The following ANO3 variants were observed in gnomAD, a reference collection of about 807,000 sequenced individuals.
The protein encoded by ANO3 is anoctamin-3.
In ANO3, 99 loss-of-function variants were observed where a neutral mutation model predicts 144.8. The observed-to-expected ratio is 0.68, with a 90% CI of 0.58 to 0.81. The LOEUF is 0.81. Ranked by LOEUF, ANO3 falls within the 30% of genes least tolerant of loss-of-function variation. ANO3 has a pLI of 0.00. For missense variants in ANO3, 905 were observed against 1,202.2 expected (o/e 0.75, Z 3.66); for synonymous variants, 414 against 392.6 (o/e 1.05, Z -0.64).
At chr11:26,289,052 T>C (rs1316528407) in intron 1 of ANO3, among the ~76,000 whole-genome samples, 1 of 152,204 alleles carries the variant, frequency 6.6e-6, no homozygotes, top group Non-Finnish European at 1.5e-5. Context: ...TGTCAAGCAA[T>C]GGCCTAGGCC....
chr11:26,239,320 G>A (rs1453238058), intron 1 of ANO3, among the ~76,000 whole-genome samples: 2 of 152,012 alleles, frequency 1.3e-5, no homozygotes, highest in African/African-American at 4.8e-5. Flanking sequence ...CTGCTTCATC[G>A]CATTGGAGAA....
intron 24 of ANO3, among the ~76,000 whole-genome samples, chr11:26,655,878 TTAA>T (rs1853671487): frequency 6.6e-6 from 1 of 152,104 alleles, no homozygotes; most frequent in African/African-American, 2.4e-5. Flanking sequence ...TAGTAACTAC[TTAA>T]TAAACATAAA....
chr11:26,256,574 A>G (rs1441808917), intron 1 of ANO3, among the ~76,000 whole-genome samples: 1 of 152,164 alleles, frequency 6.6e-6, no homozygotes, highest in African/African-American at 2.4e-5. Context: ...CTTATTCTAC[A>G]GGCAATATAC....
chr11:26,305,035 C>T (rs1298758066), upstream of ANO3, among the ~76,000 whole-genome samples: 3 of 151,374 alleles, frequency 2.0e-5, no homozygotes, highest in Non-Finnish European at 2.9e-5. Flanking sequence ...AGAAAAGGGT[C>T]CAGTTCGATC....
At chr11:26,232,304 A>C (rs1216479795) in intron 1 of ANO3, among the ~76,000 whole-genome samples, 2 of 152,180 alleles carry the variant, frequency 1.3e-5, no homozygotes, top group East Asian at 3.9e-4. Context: ...AGACGTGCTC[A>C]GGGCATCTAT....
intron 1 of ANO3, among the ~76,000 whole-genome samples, chr11:26,209,949 C>CTG (rs200561044): frequency 0.3 from 45,842 of 151,812 alleles, 7,630 homozygotes; most frequent in Non-Finnish European, 0.37. Context: ...CCTGTTCACT[C>CTG]ATGGTAGTTT....
chr11:26,610,058 T>C (rs1264863376), intron 17 of ANO3, among the ~76,000 whole-genome samples: 1 of 152,196 alleles, frequency 6.6e-6, no homozygotes, highest in Non-Finnish European at 1.5e-5. Context: ...ATTACAGGCG[T>C]GTGCCACCGC....
chr11:26,518,083 TA>T (rs1213870065), intron 6 of ANO3, among the ~76,000 whole-genome samples: 1 of 151,930 alleles, frequency 6.6e-6, no homozygotes, highest in Non-Finnish European at 1.5e-5. Flanking sequence ...GAATAAAATT[TA>T]AAAAAAGATA....
intron 4 of ANO3, among the ~76,000 whole-genome samples, chr11:26,465,241 T>G (rs572252930): frequency 6.6e-6 from 1 of 151,102 alleles, no homozygotes; most frequent in South Asian, 2.1e-4. Context: ...GTCCTACAAA[T>G]AGAAACTTCC....
At chr11:26,348,167 C>G (rs1855543238) in intron 1 of ANO3, among the ~76,000 whole-genome samples, 1 of 152,094 alleles carries the variant, frequency 6.6e-6, no homozygotes, top group African/African-American at 2.4e-5. Flanking sequence ...TTGAAAGAAG[C>G]ATACATCTGA....
intron 1 of ANO3, among the ~76,000 whole-genome samples, chr11:26,234,648 G>C (rs1852475553): frequency 6.6e-6 from 1 of 152,144 alleles, no homozygotes; most frequent in African/African-American, 2.4e-5. Context: ...GGTGATTCAT[G>C]ATGTATGACC....
Position 26,643,335 on chromosome 11 carries a change from G to A in ANO3, c.2428+1G>A, listed in dbSNP as rs1238672650. On this transcript the variant is annotated splice_donor_variant, in intron 23 of 26. Transcript: ENST00000256737. LOFTEE classifies it high-confidence loss of function. The stretch of plus-strand genomic sequence containing the variant: ...TTGCCAGCCCGAGCAACTGACATAG[G>A]TAAGATTCGGAAGTTAAATGATTTT... The A allele has an allele frequency of 6.2e-7, 1 of 1,613,722 alleles. No homozygotes were observed. Among genetic ancestry groups the A allele is most frequent in the East Asian group, 2.2e-5 (1 of 44,876 alleles).
At chr11:26,305,816 C>T (rs16925417), upstream of ANO3, among the ~76,000 whole-genome samples, 5,927 of 152,192 alleles carry the variant, frequency 0.039, 402 homozygotes, top group African/African-American at 0.14. Flanking sequence ...ATGTAGGGCT[C>T]GCTCATTATG....
Position 26,274,760 on chromosome 11 carries a change from A to G in ANO3, c.155-34885A>G, listed in dbSNP as rs77106230. 6.5e-3 allele frequency among the ~76,000 whole-genome samples: 986 copies of G among 152,224 alleles called. 3 individuals are homozygous for G. Among genetic ancestry groups the G allele is most frequent in the African/African-American group, 0.022 (928 of 41,556 alleles). ...TGCACTTTGGAACTATGAAACTTCA[A>G]ATAAAGTAAGCAGAGATACTTCAGT... is the stretch of plus-strand genomic sequence containing the variant. On this transcript the variant is annotated intron_variant, in intron 1 of 27. Transcript: ENST00000672621.
At chr11:26,475,153 C>T (rs1859912933) in intron 4 of ANO3, among the ~76,000 whole-genome samples, 1 of 151,792 alleles carries the variant, frequency 6.6e-6, no homozygotes, top group African/African-American at 2.4e-5. Context: ...AATACCATTA[C>T]ATAATGAAAA....
intron 26 of ANO3, among the ~76,000 whole-genome samples, chr11:26,659,642 A>G (rs2133104806): frequency 6.6e-6 from 1 of 152,256 alleles, no homozygotes; most frequent in South Asian, 2.1e-4. Context: ...GGCTGGAGTC[A>G]GCTGTGTATA....
chr11:26,537,349 C>T, intron 9 of ANO3, 57 bp from the exon 10 acceptor site: 1 of 1,358,240 alleles, frequency 7.4e-7, no homozygotes, highest in Non-Finnish European at 1.1e-6. Flanking sequence ...TCTGTTGCTT[C>T]AGAGGAAATG....
intron 1 of ANO3, among the ~76,000 whole-genome samples, chr11:26,439,282 G>A (rs1858426192): frequency 6.6e-6 from 1 of 152,090 alleles, no homozygotes; most frequent in East Asian, 1.9e-4. Flanking sequence ...CATAGATACA[G>A]CACCTAAAGC....
rs201093158 is a variant in ANO3 at position 26,553,219 on chromosome 11, G to GTT, written c.1290-27_1290-26dup. 7,663 of 1,193,706 alleles carry GTT rather than the reference G, an allele frequency of 6.4e-3. 480 individuals are homozygous for GTT. Among genetic ancestry groups the GTT allele is most frequent in the South Asian group, 0.015 (1,161 of 75,932 alleles). The allele number at this position is 1,193,706 out of a possible 1,614,324, so 73.9% of individuals were successfully genotyped here. A position where few individuals can be genotyped will look rare whatever the true frequency, so the allele number is the denominator to read the frequency against. On this transcript the variant is annotated intron_variant, in intron 12 of 26. Coordinates refer to ENST00000256737, the MANE Select transcript of ANO3 (RefSeq NM_031418.4). ...TAGTCACAGTTTCATGCTATGTTTT[G>GTT]TTTTGTTTTTGTTTTTGTTTTTTCT...
Sources: gnomAD v4.1 joint callset for allele counts (sites outside exome capture counted in the v4.1 genomes callset) on GRCh38, gnomAD v4.1.1 for gene constraint, MANE v1.5 for transcripts, NCBI Gene and HGNC (gene_info 2026-07-23, HGNC 2026-07-21) for gene names.